LCORL: variants seen among roughly 807,000 people sequenced by gnomAD.
The protein encoded by LCORL is ligand-dependent nuclear receptor corepressor-like protein.
LCORL carries 41 observed loss-of-function variants against 141.8 expected under a neutral mutation model. That is an observed-to-expected ratio of 0.29 (90% confidence interval 0.23 to 0.38). LCORL has a LOEUF of 0.38. LCORL is among the 10% of genes least tolerant of loss of function. The pLI is 1.00. For synonymous variants in LCORL, 618 were observed against 694.1 expected, an observed-to-expected ratio of 0.89 and a Z score of 1.72; for missense variants, 1,759 against 2,035.0, an observed-to-expected ratio of 0.86 and a Z score of 2.61.
chr4:17,925,508 C>A (rs1191857021), intron 4 of LCORL, among the ~76,000 whole-genome samples: 1 of 152,094 alleles, frequency 6.6e-6, no homozygotes, highest in African/African-American at 2.4e-5. Flanking sequence ...GTAATTAATA[C>A]CAGCCAGGAC....
chr4:17,878,182 T>A, exon 7 of LCORL: 1 of 1,229,708 alleles, frequency 8.1e-7, no homozygotes, highest in Non-Finnish European at 1.0e-6. Context: ...TCCATTTTAG[T>A]AGCTTCCTCT....
At chr4:18,018,151 A>T (rs2109905571) in intron 1 of LCORL, among the ~76,000 whole-genome samples, 1 of 152,246 alleles carries the variant, frequency 6.6e-6, no homozygotes, top group East Asian at 1.9e-4. Context: ...GATGATGTTT[A>T]AAAATATACA....
intron 7 of LCORL, among the ~76,000 whole-genome samples, chr4:17,851,301 A>G (rs189064019): frequency 1.4e-3 from 211 of 152,128 alleles, no homozygotes; most frequent in African/African-American, 4.7e-3. Flanking sequence ...ATCAGTGAAA[A>G]ATGTCATATA....
At chr4:17,912,794 C>A in intron 4 of LCORL, 2 of 424,386 alleles carry the variant, frequency 4.7e-6, no homozygotes, top group South Asian at 1.9e-5. Flanking sequence ...CGAGGTCCTG[C>A]CAAACATCAA....
rs183101056 is a variant in LCORL at position 17,945,631 on chromosome 4, A to G, written c.430+16272T>C. ...AAGGCCCTGAACTTAAGATTCTAAT[A>G]CCACCTAATTTAGTATGTTGGGCTA... On this transcript the variant is annotated intron_variant, in intron 4 of 7. Transcript: ENST00000635767. 3.9e-5 allele frequency among the ~76,000 whole-genome samples: 6 copies of G among 152,182 alleles called. No homozygotes were observed. The East Asian group carries it at 9.6e-4, about 24-fold the overall frequency.
At chr4:17,975,002 T>C (rs1716677065) in intron 1 of LCORL, among the ~76,000 whole-genome samples, 3 of 152,152 alleles carry the variant, frequency 2.0e-5, no homozygotes, top group Admixed American at 2.0e-4. Context: ...AGTAATTTTA[T>C]TGATCTTTTT....
chr4:17,984,285 A>C (rs1718545863), intron 1 of LCORL, among the ~76,000 whole-genome samples: 1 of 152,160 alleles, frequency 6.6e-6, no homozygotes, highest in Non-Finnish European at 1.5e-5. Context: ...GGCCTCATAC[A>C]ATGAGTTGGG....
At chr4:17,846,435 G>C (rs570613155) in intron 7 of LCORL, among the ~76,000 whole-genome samples, 1 of 152,102 alleles carries the variant, frequency 6.6e-6, no homozygotes, top group Non-Finnish European at 1.5e-5. Context: ...CACCTGCCTG[G>C]AACTGGAATA....
At chr4:17,986,492 T>C (rs1719000555) in intron 1 of LCORL, among the ~76,000 whole-genome samples, 1 of 152,232 alleles carries the variant, frequency 6.6e-6, no homozygotes, top group Non-Finnish European at 1.5e-5. Flanking sequence ...GACTGTCTTA[T>C]TTCAGACAGC....
chr4:17,847,317 G>A lies in LCORL; in HGVS notation c.5603-1416C>T, dbSNP rs186960900. On this transcript the variant is annotated intron_variant, in intron 7 of 7. Transcript: ENST00000635767. Reference sequence around the variant, plus strand: ...GAGGTTCAGGGTCTCATATTTAAGTGACTTGGTAGAGTTGGGAAATGGGAG... The same window carrying A: ...GAGGTTCAGGGTCTCATATTTAAGTAACTTGGTAGAGTTGGGAAATGGGAG... Among the ~76,000 whole-genome samples, 260 of 152,298 alleles carry A rather than the reference G, an allele frequency of 1.7e-3. 1 individual carries two copies. Among genetic ancestry groups the A allele is most frequent in the African/African-American group, 6.0e-3 (248 of 41,558 alleles).
intron 4 of LCORL, among the ~76,000 whole-genome samples, chr4:17,915,994 T>C (rs1733333842): frequency 6.6e-6 from 1 of 152,170 alleles, no homozygotes; most frequent in African/African-American, 2.4e-5. Flanking sequence ...ACATAGAAAT[T>C]GCCCCTTCTG....
intron 4 of LCORL, among the ~76,000 whole-genome samples, chr4:17,918,235 G>C (rs1482372496): frequency 3.3e-5 from 5 of 152,142 alleles, no homozygotes; most frequent in Admixed American, 1.3e-4. Flanking sequence ...AAACCTTGGG[G>C]TGGAGGATAA....
At chr4:17,857,650 G>T (rs1012017169) in intron 7 of LCORL, among the ~76,000 whole-genome samples, 1 of 152,128 alleles carries the variant, frequency 6.6e-6, no homozygotes, top group Non-Finnish European at 1.5e-5. Context: ...TTGGGGGGCT[G>T]TGCTAGACAT....
At position 18,021,822 on chromosome 4, in the gene LCORL, G is replaced by C. The variant is rs968116592; in HGVS notation, c.-71C>G. ...GCACGAGGCAGGGGCGCGAGCCCTC[G>C]GCGCGAGCCCCGGAGCGCGCGCCCC... On this transcript the variant is annotated 5_prime_UTR_variant, in exon 1 of 8. Transcript: ENST00000635767. The surrounding 1 kb of genome is among the most constrained non-coding windows in gnomAD (Gnocchi z 5.5). 1 of 1,389,924 alleles carries C rather than the reference G, an allele frequency of 7.2e-7. No individual in the cohort carries two copies. Among genetic ancestry groups the C allele is most frequent in the African/African-American group, 1.6e-5 (1 of 64,460 alleles). The allele number at this position is 1,389,924 out of a possible 1,614,324, so 86.1% of individuals were successfully genotyped here.
At chr4:17,847,507 T>TA (rs1301036979) in intron 7 of LCORL, among the ~76,000 whole-genome samples, 5 of 152,188 alleles carry the variant, frequency 3.3e-5, no homozygotes, top group Admixed American at 3.3e-4. Flanking sequence ...TTTGTATAAA[T>TA]AGATACTAGA....
At chr4:17,901,393 A>T (rs1431790104) in intron 5 of LCORL, among the ~76,000 whole-genome samples, 1 of 152,032 alleles carries the variant, frequency 6.6e-6, no homozygotes, top group Non-Finnish European at 1.5e-5. Flanking sequence ...AAATAAAAAA[A>T]AAAACAACAA....
chr4:17,926,343 G>C (rs576172792), intron 4 of LCORL, among the ~76,000 whole-genome samples: 1 of 152,332 alleles, frequency 6.6e-6, no homozygotes, highest in African/African-American at 2.4e-5. Context: ...TGCCAGCTCG[G>C]CTACGATAAA....
chr4:17,946,096 T>G (rs961108799), intron 4 of LCORL, among the ~76,000 whole-genome samples: 1 of 151,992 alleles, frequency 6.6e-6, no homozygotes, highest in Non-Finnish European at 1.5e-5. Flanking sequence ...AAACTGCATA[T>G]GTAAACATCA....
At chr4:17,913,908 G>T (rs780778527) in intron 4 of LCORL, among the ~76,000 whole-genome samples, 1 of 152,162 alleles carries the variant, frequency 6.6e-6, no homozygotes, top group Non-Finnish European at 1.5e-5. Flanking sequence ...AAAGTGTCTT[G>T]AATTGGATGG....
Sources: gnomAD v4.1 joint callset for allele counts (sites outside exome capture counted in the v4.1 genomes callset) on GRCh38, gnomAD v4.1.1 for gene constraint, Gnocchi (gnomAD v3.1) non-coding constraint, MANE v1.5 for transcripts, NCBI Gene and HGNC (gene_info 2026-07-23, HGNC 2026-07-21) for gene names.